RORA: variants seen among roughly 807,000 people sequenced by gnomAD.
The protein encoded by RORA is RAR related orphan receptor A.
In RORA, 7 loss-of-function variants were observed where a neutral mutation model predicts 69.5. The observed-to-expected ratio is 0.10, with a 90% CI of 0.06 to 0.19. RORA has a LOEUF of 0.19. Among genes scored for constraint, RORA ranks in the 10% least tolerant of loss-of-function variants. The pLI is 1.00. For synonymous variants in RORA, 261 were observed against 240.8 expected (o/e 1.08, Z -0.78); for missense variants, 457 against 663.0 (o/e 0.69, Z 3.41).
chr15:60,655,126 T>C (rs929742233), intron 2 of RORA, among the ~76,000 whole-genome samples: 23 of 152,156 alleles, frequency 1.5e-4, no homozygotes, highest in African/African-American at 4.8e-4. Flanking sequence ...GGGAAAGATG[T>C]CATGAGAATG....
intron 1 of RORA, among the ~76,000 whole-genome samples, chr15:60,789,795 G>T (rs2072389898): frequency 6.6e-6 from 1 of 152,224 alleles, no homozygotes; most frequent in Admixed American, 6.5e-5. Context: ...TATCAGCTTT[G>T]AAGTGGGTCT....
intron 1 of RORA, among the ~76,000 whole-genome samples, chr15:60,862,814 G>A (rs1181167513): frequency 6.6e-6 from 1 of 152,174 alleles, no homozygotes; most frequent in Non-Finnish European, 1.5e-5. Flanking sequence ...CAATTGTATT[G>A]TACATCTATT....
At chr15:61,083,410 T>A (rs1011476103) in intron 1 of RORA, among the ~76,000 whole-genome samples, 1 of 152,186 alleles carries the variant, frequency 6.6e-6, no homozygotes, top group Admixed American at 6.5e-5. Flanking sequence ...AGCAGTTCCT[T>A]CATACAAAGC....
intron 1 of RORA, among the ~76,000 whole-genome samples, chr15:61,228,787 CA>C (rs1013195636): frequency 3.3e-5 from 5 of 152,016 alleles, no homozygotes; most frequent in East Asian, 1.9e-4. Flanking sequence ...AAATCAAAGC[CA>C]GGGGGGTGAG....
chr15:60,701,251 A>G (rs1159019688), intron 1 of RORA, among the ~76,000 whole-genome samples: 2 of 152,170 alleles, frequency 1.3e-5, no homozygotes, highest in Non-Finnish European at 2.9e-5. Context: ...TTCTTGGAAA[A>G]TATCTCTTGA....
intron 1 of RORA, among the ~76,000 whole-genome samples, chr15:60,844,390 A>G (rs2073238462): frequency 6.6e-6 from 1 of 152,216 alleles, no homozygotes; most frequent in African/African-American, 2.4e-5. Context: ...CAAATGGAAA[A>G]GCCAATGAAG....
intron 1 of RORA, among the ~76,000 whole-genome samples, chr15:60,955,652 A>G (rs1893245519): frequency 6.6e-6 from 1 of 152,210 alleles, no homozygotes; most frequent in Non-Finnish European, 1.5e-5. Flanking sequence ...CGATTTTTAC[A>G]AAGTTACAAC....
At chr15:60,646,566 GA>G (rs2140686157) in intron 2 of RORA, among the ~76,000 whole-genome samples, 1 of 152,342 alleles carries the variant, frequency 6.6e-6, no homozygotes, top group East Asian at 1.9e-4. Context: ...CACTGCTTCA[GA>G]AAGACCAGAC....
chr15:61,227,577 T>TG (rs373409405), intron 1 of RORA, among the ~76,000 whole-genome samples: 4,495 of 132,282 alleles, frequency 0.034, 153 homozygotes, highest in African/African-American at 0.093. Flanking sequence ...GTGGCTAAGG[T>TG]GGGGGGGGGG....
At chr15:60,871,021 A>C (rs1302947364) in intron 1 of RORA, among the ~76,000 whole-genome samples, 1 of 152,212 alleles carries the variant, frequency 6.6e-6, no homozygotes, top group East Asian at 1.9e-4. Context: ...GAGGTTTGAT[A>C]CTCATGCAAA....
chr15:60,531,447 TG>T lies in RORA; in HGVS notation c.282+318del. On this transcript the variant is annotated intron_variant, in intron 3 of 10. Coordinates refer to ENST00000335670, the MANE Select transcript of RORA (RefSeq NM_134261.3). The surrounding 1 kb of genome is among the most constrained non-coding windows in gnomAD (Gnocchi z 4.8). Reference sequence around the variant, plus strand: ...TTTTATAAGCTTATGACAGGGACATTGTAGAAGTCTGGAGTTAGCTCTTTTT... The same window carrying T: ...TTTTATAAGCTTATGACAGGGACATTTAGAAGTCTGGAGTTAGCTCTTTTT... 1 of 252,486 alleles carries T rather than the reference TG, an allele frequency of 4.0e-6. No individual in the cohort carries two copies. Among genetic ancestry groups the T allele is most frequent in the Non-Finnish European group, 7.4e-6 (1 of 135,540 alleles). The allele number at this position is 252,486 out of a possible 1,614,324, so 15.6% of individuals were successfully genotyped here. A position where few individuals can be genotyped will look rare whatever the true frequency, so the allele number is the denominator to read the frequency against.
chr15:60,918,174 G>A (rs1190629285), intron 1 of RORA, among the ~76,000 whole-genome samples: 2 of 152,188 alleles, frequency 1.3e-5, no homozygotes, highest in African/African-American at 4.8e-5. Flanking sequence ...CTAGTGTGTG[G>A]GACTTAATGT....
chr15:61,052,715 T>A (rs559325921), intron 1 of RORA, among the ~76,000 whole-genome samples: 1 of 152,346 alleles, frequency 6.6e-6, no homozygotes, highest in South Asian at 2.1e-4. Flanking sequence ...AGTAATAGTA[T>A]ATTTCCATGC....
intron 1 of RORA, among the ~76,000 whole-genome samples, chr15:60,927,328 G>GT (rs1456712525): frequency 5.3e-5 from 8 of 152,234 alleles, no homozygotes; most frequent in Admixed American, 3.3e-4. Flanking sequence ...ACTGTCATCT[G>GT]TAATGTTCAC....
In RORA at chr15:61,128,648, T is replaced by G. The variant is rs938916063; in HGVS notation, c.166+100405A>C. Among the ~76,000 whole-genome samples the G allele has an allele frequency of 5.9e-5, 9 of 152,234 alleles. No individual in the cohort carries two copies. The highest frequency in any genetic ancestry group is 2.9e-5 in the Non-Finnish European group (2 of 68,038). On this transcript the variant is annotated intron_variant, in intron 1 of 10. Transcript: ENST00000335670. The surrounding 1 kb of genome is among the most constrained non-coding windows in gnomAD (Gnocchi z 4.5). ...TTTACGGAAGGGTTGAAATGTTCTT[T>G]CTCTGGTTCCAACTGCCAGGGACAC... is the stretch of plus-strand genomic sequence containing the variant.
chr15:60,929,862 C>A (rs186776958), intron 1 of RORA, among the ~76,000 whole-genome samples: 81 of 152,208 alleles, frequency 5.3e-4, no homozygotes, highest in African/African-American at 1.9e-3. Flanking sequence ...TAGGGAGGAG[C>A]CCAGGAATGT....
At chr15:61,058,493 G>A (rs901299933) in intron 1 of RORA, among the ~76,000 whole-genome samples, 1 of 152,170 alleles carries the variant, frequency 6.6e-6, no homozygotes, top group Admixed American at 6.5e-5. Flanking sequence ...CCAAGTAGGA[G>A]GTATTAAGGC....
intron 1 of RORA, among the ~76,000 whole-genome samples, chr15:61,087,714 A>G (rs1413544798): frequency 6.6e-6 from 1 of 152,226 alleles, no homozygotes; most frequent in African/African-American, 2.4e-5. Context: ...ATATGTTGCT[A>G]ACAGTCGAGC....
chr15:60,989,905 T>C (rs1474470231), intron 1 of RORA, among the ~76,000 whole-genome samples: 1 of 152,150 alleles, frequency 6.6e-6, no homozygotes, highest in Admixed American at 6.5e-5. Context: ...ACTTTTGTTT[T>C]TATAAGAAAA....
Sources: gnomAD v4.1 joint callset for allele counts (sites outside exome capture counted in the v4.1 genomes callset) on GRCh38, gnomAD v4.1.1 for gene constraint, Gnocchi (gnomAD v3.1) non-coding constraint, MANE v1.5 for transcripts, NCBI Gene and HGNC (gene_info 2026-07-23, HGNC 2026-07-21) for gene names.